BAIAP2: variants seen among roughly 807,000 people sequenced by gnomAD.
The protein encoded by BAIAP2 is BAR/IMD domain-containing adapter protein 2.
BAIAP2 carries 18 observed loss-of-function variants against 63.0 expected under a neutral mutation model. The observed-to-expected ratio is 0.29, with a 90% CI of 0.20 to 0.42. The LOEUF is 0.42. Ranked by LOEUF, BAIAP2 falls within the 10% of genes least tolerant of loss-of-function variation. The probability of loss-of-function intolerance (pLI) is 1.00; values close to 1 mark genes in which losing one functional copy is unlikely to be tolerated. For missense variants in BAIAP2, 610 were observed against 734.3 expected (o/e 0.83, Z 1.96); for synonymous variants, 386 against 307.6 (o/e 1.25, Z -2.67).
At chr17:81,104,240 A>C in intron 9 of BAIAP2, 132 bp downstream of exon 9, 5 of 1,035,526 alleles carry the variant, frequency 4.8e-6, no homozygotes, top group Non-Finnish European at 7.1e-6. Flanking sequence ...GTGTACCTAC[A>C]TGCATGTGGT....
chr17:81,112,448 C>T (rs1055581255), intron 13 of BAIAP2, among the ~76,000 whole-genome samples: 1 of 152,226 alleles, frequency 6.6e-6, no homozygotes, highest in Non-Finnish European at 1.5e-5. Context: ...AAGAGACTCC[C>T]CAATCCCATT....
intron 1 of BAIAP2, among the ~76,000 whole-genome samples, chr17:81,040,928 A>T (rs967086461): frequency 1.3e-5 from 2 of 152,112 alleles, no homozygotes; most frequent in African/African-American, 4.8e-5. Context: ...GAGGCTGTGG[A>T]GATGGTGGGG....
intron 3 of BAIAP2, among the ~76,000 whole-genome samples, chr17:81,059,136 G>GC (rs1488125593): frequency 6.6e-6 from 1 of 151,466 alleles, no homozygotes; most frequent in Non-Finnish European, 1.5e-5. Flanking sequence ...CCCCCCCCAC[G>GC]CCCCCACAGG....
chr17:81,074,941 GA>G (rs1348555195), intron 3 of BAIAP2, among the ~76,000 whole-genome samples: 9 of 152,270 alleles, frequency 5.9e-5, no homozygotes, highest in Admixed American at 5.9e-4. Context: ...CTCCAGGTTG[GA>G]AAGGTTGGGC....
At chr17:81,085,894 T>A (rs56202200) in intron 5 of BAIAP2, among the ~76,000 whole-genome samples, 169 bp downstream of exon 5, 4 of 152,150 alleles carry the variant, frequency 2.6e-5, no homozygotes, top group African/African-American at 9.7e-5. Context: ...GCCCCTGGTG[T>A]GCCCCAAATG....
In BAIAP2 at chr17:81,035,824, G is replaced by A. The variant is rs553134404; in HGVS notation, c.54+516G>A. Among the ~76,000 whole-genome samples, 16 of 152,302 alleles carry A rather than the reference G, an allele frequency of 1.1e-4. No homozygotes were observed. In the South Asian group the frequency reaches 3.1e-3, roughly 30 times the overall value. ...GGCTCCTCCAGGCGCGGTTGCGCGA[G>A]CCTCGGGCACTTCATTCTCAACAGG... On this transcript the variant is annotated intron_variant, in intron 1 of 13. Transcript: ENST00000428708.
chr17:81,095,520 G>A (rs2057471314), intron 6 of BAIAP2, among the ~76,000 whole-genome samples: 1 of 152,204 alleles, frequency 6.6e-6, no homozygotes, highest in African/African-American at 2.4e-5. Flanking sequence ...TGGAACAGCA[G>A]GTGAGGAGAG....
chr17:81,091,884 A>G (rs1457934175), intron 6 of BAIAP2, among the ~76,000 whole-genome samples: 9 of 152,220 alleles, frequency 5.9e-5, no homozygotes, highest in Non-Finnish European at 1.3e-4. Context: ...CTCACCTGGC[A>G]GCCTAGAGCT....
chr17:81,053,444 C>G (rs886922442), intron 1 of BAIAP2: 11 of 579,028 alleles, frequency 1.9e-5, no homozygotes, highest in Admixed American at 6.1e-5. Flanking sequence ...CTTCTTACCC[C>G]CTTTGCACAG....
intron 13 of BAIAP2, chr17:81,108,742 T>C: frequency 1.1e-6 from 1 of 875,850 alleles, no homozygotes; most frequent in Non-Finnish European, 1.7e-6. Context: ...GCCCCATCCA[T>C]CCCTGTCAGG....
At chr17:81,101,806 C>T (rs1020602107) in intron 7 of BAIAP2, among the ~76,000 whole-genome samples, 4 of 152,258 alleles carry the variant, frequency 2.6e-5, no homozygotes, top group African/African-American at 7.2e-5. Flanking sequence ...CCTTTGACCC[C>T]TGGAGGCAGC....
At chr17:81,095,722 C>T (rs912956041) in intron 6 of BAIAP2, among the ~76,000 whole-genome samples, 3 of 152,110 alleles carry the variant, frequency 2.0e-5, no homozygotes, top group East Asian at 1.9e-4. Flanking sequence ...GGAGGGGCCC[C>T]GCCAGAGCAC....
chr17:81,094,064 A>C (rs1243570949), intron 6 of BAIAP2, among the ~76,000 whole-genome samples: 4 of 152,002 alleles, frequency 2.6e-5, no homozygotes, highest in African/African-American at 4.8e-5. Flanking sequence ...GGGCTTCTGC[A>C]TCCGCAGCTG....
intron 3 of BAIAP2, among the ~76,000 whole-genome samples, chr17:81,069,805 C>T (rs773751503): frequency 4.5e-4 from 68 of 152,296 alleles, no homozygotes; most frequent in South Asian, 1.0e-3. Context: ...CTGGTCTCGC[C>T]GGTCACGTGG....
chr17:81,055,574 G>GTTTTTTGTTTTTTTTCGTTTT (rs370775327), intron 2 of BAIAP2, among the ~76,000 whole-genome samples: 4 of 123,406 alleles, frequency 3.2e-5, no homozygotes, highest in Non-Finnish European at 6.7e-5. Flanking sequence ...AGGGTGTTTT[G>GTTTTTTGTTTTTTTTCGTTTT]TTTTTTTTTG....
At position 81,057,973 on chromosome 17, in the gene BAIAP2, A is replaced by AGGGGGGGGGG; in HGVS notation, c.217+6_217+7insGGGGGGGGGG. On this transcript the variant is annotated splice_region_variant and intron_variant, in intron 3 of 13. Transcript: ENST00000428708. ...CCAGGGCTCCAAAGAACTCGGTGAG[A>AGGGGGGGGGG]CCCCCCCCCCCCCCCCGCCTGGTAG... 1 of 764,944 alleles carries AGGGGGGGGGG rather than the reference A, an allele frequency of 1.3e-6. No homozygotes were observed. Among genetic ancestry groups the AGGGGGGGGGG allele is most frequent in the Non-Finnish European group, 1.7e-6 (1 of 586,534 alleles). The allele number at this position is 764,944 out of a possible 1,614,324, so 47.4% of individuals were successfully genotyped here.
Position 81,096,406 on chromosome 17 carries a change from G to A in BAIAP2, c.490-3522G>A, listed in dbSNP as rs187575065. On this transcript the variant is annotated intron_variant, in intron 6 of 13. Transcript: ENST00000428708. The stretch of plus-strand genomic sequence containing the variant: ...CCCCACTTAAGGGATTCTGGGCACC[G>A]AATAGCTCCCTCCAAAGCAGGCACC... 1.4e-4 allele frequency among the ~76,000 whole-genome samples: 21 copies of A among 152,296 alleles called. No homozygotes were observed. In the East Asian group the frequency reaches 2.5e-3, roughly 18 times the overall value.
chr17:81,108,541 C>A, intron 13 of BAIAP2, 32 bp downstream of exon 13: 1 of 1,613,636 alleles, frequency 6.2e-7, no homozygotes, highest in African/African-American at 1.3e-5. Context: ...TCTTTGGGAC[C>A]GTGGGTGGGT....
rs888329162 is a variant in BAIAP2 at position 81,115,622 on chromosome 17, C to G, written c.1536-148C>G. ...GCCTGGTCCTCCCTGCCCCGCAAAG[C>G]AGCGTATATTGTCTGTGAGCTCTGT... On this transcript the variant is annotated intron_variant, in intron 13 of 13. Transcript: ENST00000428708. 4 of 934,266 alleles carry G rather than the reference C, an allele frequency of 4.3e-6. No individual in the cohort carries two copies. In the African/African-American group the frequency reaches 6.5e-5, roughly 15 times the overall value. 57.9% of individuals were successfully genotyped at this position (934,266 alleles called of 1,614,324 possible).
Sources: gnomAD v4.1 joint callset for allele counts (sites outside exome capture counted in the v4.1 genomes callset) on GRCh38, gnomAD v4.1.1 for gene constraint, MANE v1.5 for transcripts, NCBI Gene and HGNC (gene_info 2026-07-23, HGNC 2026-07-21) for gene names.